Variants in ABCC4 observed in about 807,000 individuals in gnomAD.
The protein encoded by ABCC4 is ATP-binding cassette sub-family C member 4.
Under a neutral mutation model 168.5 loss-of-function variants are expected in ABCC4, and 102 were observed. The observed-to-expected ratio is 0.61, with a 90% CI of 0.52 to 0.71. ABCC4 has a LOEUF of 0.71. ABCC4 is among the 30% of genes least tolerant of loss of function. The probability of loss-of-function intolerance (pLI) is 0.00; values close to 1 mark genes in which losing one functional copy is unlikely to be tolerated. For synonymous variants in ABCC4, 617 were observed against 590.7 expected (o/e 1.04, Z -0.65); for missense variants, 1,402 against 1,605.8 (o/e 0.87, Z 2.17).
chr13:95,038,000 G>A (rs985202516), intron 29 of ABCC4, among the ~76,000 whole-genome samples: 6 of 152,070 alleles, frequency 3.9e-5, no homozygotes, highest in Non-Finnish European at 7.3e-5. Context: ...GACTACAGGT[G>A]CACGCCGCCA....
At chr13:95,039,920 A>G (rs1247232673) in intron 29 of ABCC4, among the ~76,000 whole-genome samples, 1 of 152,140 alleles carries the variant, frequency 6.6e-6, no homozygotes, top group Non-Finnish European at 1.5e-5. Flanking sequence ...GAGAAACCCC[A>G]CTTAGCAACA....
At chr13:95,236,175 C>A (rs2039761650) in intron 3 of ABCC4, among the ~76,000 whole-genome samples, 1 of 152,106 alleles carries the variant, frequency 6.6e-6, no homozygotes, top group African/African-American at 2.4e-5. Flanking sequence ...CCTCTCGAAC[C>A]CGTTGTAAGG....
intron 19 of ABCC4, among the ~76,000 whole-genome samples, chr13:95,148,169 A>T (rs2036559130): frequency 6.6e-6 from 1 of 152,310 alleles, no homozygotes; most frequent in Non-Finnish European, 1.5e-5. Flanking sequence ...ATCAATTTTT[A>T]GCTGTTAGGT....
intron 26 of ABCC4, among the ~76,000 whole-genome samples, chr13:95,060,129 T>C (rs1270094408): frequency 2.6e-5 from 4 of 152,180 alleles, no homozygotes; most frequent in Non-Finnish European, 4.4e-5. Context: ...TCAACCAACA[T>C]TGAGCCTTGG....
chr13:95,182,724 A>C (rs1049918171), intron 11 of ABCC4, among the ~76,000 whole-genome samples: 1 of 152,232 alleles, frequency 6.6e-6, no homozygotes, highest in East Asian at 1.9e-4. Flanking sequence ...TCTAAGGTTC[A>C]GACGATTAGC....
intron 11 of ABCC4, 32 bp downstream of exon 11, chr13:95,186,669 C>A: frequency 6.3e-7 from 1 of 1,592,512 alleles, no homozygotes; most frequent in South Asian, 1.1e-5. Context: ...ACTGGACATT[C>A]GAGTACATGA....
chr13:95,276,883 G>A (rs1335980479), intron 1 of ABCC4, among the ~76,000 whole-genome samples: 1 of 152,136 alleles, frequency 6.6e-6, no homozygotes, highest in African/African-American at 2.4e-5. Context: ...ACCGAGTGTG[G>A]TGGCACACGC....
Position 95,110,661 on chromosome 13 carries a change from T to A in ABCC4, c.2535+5261A>T, listed in dbSNP as rs147637156. 5.2e-3 allele frequency among the ~76,000 whole-genome samples: 785 copies of A among 152,222 alleles called. 8 individuals are homozygous for A. The highest frequency in any genetic ancestry group is 0.018 in the African/African-American group (753 of 41,544). ...TTCATGATGCTGGCATTGGTGCTGA[T>A]ATTAGGAAGTAATCAAGCACTTCTG... On this transcript the variant is annotated intron_variant, in intron 20 of 30. Transcript: ENST00000645237.
intron 21 of ABCC4, among the ~76,000 whole-genome samples, chr13:95,079,857 C>CA (rs996197053): frequency 3.5e-4 from 53 of 151,604 alleles, no homozygotes; most frequent in Non-Finnish European, 6.5e-4. Flanking sequence ...AACAAGAAAA[C>CA]AAAAAAAACA....
intron 29 of ABCC4, among the ~76,000 whole-genome samples, chr13:95,041,761 T>C (rs1041699312): frequency 5.3e-5 from 8 of 152,136 alleles, no homozygotes; most frequent in Non-Finnish European, 1.0e-4. Flanking sequence ...TTCCCCCGAA[T>C]TGAAAGCTGG....
At chr13:95,175,922 G>A (rs1491004191) in intron 13 of ABCC4, among the ~76,000 whole-genome samples, 4 of 152,050 alleles carry the variant, frequency 2.6e-5, no homozygotes, top group Non-Finnish European at 2.9e-5. Flanking sequence ...TTTCTCTCAC[G>A]GTACCTTCTC....
At chr13:95,025,164 C>T (rs1593955854) in intron 30 of ABCC4, among the ~76,000 whole-genome samples, 1 of 148,372 alleles carries the variant, frequency 6.7e-6, no homozygotes, top group South Asian at 2.1e-4. Context: ...CTCAATTTCA[C>T]ATACACACAC....
intron 25 of ABCC4, among the ~76,000 whole-genome samples, chr13:95,065,948 A>G (rs2033523953): frequency 6.6e-6 from 1 of 152,186 alleles, no homozygotes; most frequent in Non-Finnish European, 1.5e-5. Flanking sequence ...CATTTCTCAG[A>G]TTAAACTTCC....
At chr13:95,145,881 A>G (rs1566462799) in intron 19 of ABCC4, among the ~76,000 whole-genome samples, 1 of 152,280 alleles carries the variant, frequency 6.6e-6, no homozygotes, top group South Asian at 2.1e-4. Context: ...TTCACTTACA[A>G]ACAGGAGCTA....
At chr13:95,225,182 C>G (rs940696986) in intron 4 of ABCC4, among the ~76,000 whole-genome samples, 1 of 149,026 alleles carries the variant, frequency 6.7e-6, no homozygotes, top group Non-Finnish European at 1.5e-5. Context: ...CACACACACA[C>G]ACACACACAC....
chr13:95,027,217 A>T (rs959442649), intron 30 of ABCC4, among the ~76,000 whole-genome samples: 1 of 152,082 alleles, frequency 6.6e-6, no homozygotes, highest in Non-Finnish European at 1.5e-5. Context: ...AATTCCAAGG[A>T]ACCTTTCCCT....
intron 19 of ABCC4, among the ~76,000 whole-genome samples, chr13:95,132,771 T>G (rs537380086): frequency 3.3e-5 from 5 of 152,116 alleles, no homozygotes. Context: ...TTCTACAACA[T>G]AGATGAACCA....
intron 11 of ABCC4, among the ~76,000 whole-genome samples, chr13:95,179,280 AGACT>A (rs1228008832): frequency 6.6e-5 from 10 of 152,338 alleles, no homozygotes; most frequent in African/African-American, 2.4e-4. Flanking sequence ...GCATCACAAT[AGACT>A]GACAGAAAAA....
At chr13:95,048,528 T>C (rs1284136393) in intron 27 of ABCC4, among the ~76,000 whole-genome samples, 2 of 152,210 alleles carry the variant, frequency 1.3e-5, no homozygotes, top group Admixed American at 6.5e-5. Flanking sequence ...GGGAACAACC[T>C]TTAACAAGAA....
Sources: gnomAD v4.1 joint callset for allele counts (sites outside exome capture counted in the v4.1 genomes callset) on GRCh38, gnomAD v4.1.1 for gene constraint, MANE v1.5 for transcripts, NCBI Gene and HGNC (gene_info 2026-07-23, HGNC 2026-07-21) for gene names.